NASP: variants seen among roughly 807,000 people sequenced by gnomAD.
The protein encoded by NASP is nuclear autoantigenic sperm protein.
In NASP, 24 loss-of-function variants were observed where a neutral mutation model predicts 89.5. That is an observed-to-expected ratio of 0.27 (90% CI 0.19 to 0.38). The LOEUF (loss-of-function observed/expected upper bound fraction) is 0.38, where lower values mean the gene tolerates loss of function less well. NASP is among the 10% of genes least tolerant of loss of function. The pLI, the probability that NASP is intolerant of heterozygous loss-of-function variation, is 1.00. For synonymous variants in NASP, 306 were observed against 324.7 expected (o/e 0.94, Z 0.62); for missense variants, 848 against 921.4 (o/e 0.92, Z 1.03).
chr1:45,617,349 C>A, intron 13 of NASP, 114 bp from the exon 14 acceptor site: 1 of 1,239,944 alleles, frequency 8.1e-7, no homozygotes, highest in Non-Finnish European at 1.1e-6. Flanking sequence ...ACCCTTAGAG[C>A]TGTGAATCCT....
chr1:45,597,871 A>T (rs192804752), intron 2 of NASP, among the ~76,000 whole-genome samples: 1 of 152,276 alleles, frequency 6.6e-6, no homozygotes, highest in East Asian at 1.9e-4. Flanking sequence ...GAGATTACTT[A>T]TATCAGCCCA....
intron 2 of NASP, among the ~76,000 whole-genome samples, chr1:45,593,018 T>C (rs1311752271): frequency 6.6e-6 from 1 of 152,196 alleles, no homozygotes; most frequent in African/African-American, 2.4e-5. Context: ...TATATAGATT[T>C]TGGATAAAAA....
chr1:45,612,924 A>T, intron 6 of NASP: 1 of 355,130 alleles, frequency 2.8e-6, no homozygotes, highest in Non-Finnish European at 4.8e-6. Context: ...CTTTTATAAG[A>T]GAAACACTCA....
intron 3 of NASP, among the ~76,000 whole-genome samples, chr1:45,602,859 A>C (rs887834681): frequency 6.6e-6 from 1 of 152,152 alleles, no homozygotes; most frequent in African/African-American, 2.4e-5. Flanking sequence ...CTTGGGCTTA[A>C]GCGATTCGTC....
intron 5 of NASP, among the ~76,000 whole-genome samples, chr1:45,606,904 A>G (rs1488367785): frequency 6.6e-6 from 1 of 152,202 alleles, no homozygotes; most frequent in Non-Finnish European, 1.5e-5. Context: ...TTCTGATGCA[A>G]ATTTTTTTAA....
At chr1:45,611,055 A>C (rs1643999844) in intron 6 of NASP, 1 of 152,110 alleles carries the variant, frequency 6.6e-6, no homozygotes, top group Non-Finnish European at 1.5e-5. Context: ...CACATTTCCA[A>C]GTGGGTCCGG....
intron 1 of NASP, among the ~76,000 whole-genome samples, chr1:45,585,341 G>A (rs1311347139): frequency 6.6e-6 from 1 of 151,962 alleles, no homozygotes; most frequent in Non-Finnish European, 1.5e-5. Flanking sequence ...TTTTTAAATT[G>A]ATATTCTATA....
intron 1 of NASP, among the ~76,000 whole-genome samples, chr1:45,590,870 G>A (rs1171520054): frequency 2.0e-5 from 3 of 152,046 alleles, no homozygotes; most frequent in Non-Finnish European, 4.4e-5. Flanking sequence ...AAAACTATTC[G>A]ATATACATGA....
At chr1:45,598,752 T>TA (rs1643760004) in intron 2 of NASP, among the ~76,000 whole-genome samples, 1 of 152,246 alleles carries the variant, frequency 6.6e-6, no homozygotes, top group African/African-American at 2.4e-5. Context: ...GTTGACTTTT[T>TA]AATCAGTCAG....
chr1:45,596,603 A>G (rs1643701915), intron 2 of NASP, among the ~76,000 whole-genome samples: 1 of 152,222 alleles, frequency 6.6e-6, no homozygotes, highest in Non-Finnish European at 1.5e-5. Flanking sequence ...TCATAAGTAG[A>G]AGATCTAGAA....
At chr1:45,600,517 T>C in intron 2 of NASP, 1 of 1,028,748 alleles carries the variant, frequency 9.7e-7, no homozygotes, top group Non-Finnish European at 1.2e-6. Flanking sequence ...TTGAGATTCA[T>C]CCATGTTACC....
chr1:45,606,056 G>C (rs1015182786), intron 4 of NASP, among the ~76,000 whole-genome samples: 1 of 152,204 alleles, frequency 6.6e-6, no homozygotes, highest in Admixed American at 6.5e-5. Context: ...GATTATAGGC[G>C]TGAGCCACCG....
intron 13 of NASP, chr1:45,617,157 TC>T (rs1269371458): frequency 1.2e-5 from 4 of 336,152 alleles, no homozygotes; most frequent in Non-Finnish European, 2.2e-5. Context: ...AACTCTGAAC[TC>T]CTGTTCTGTT....
At chr1:45,616,491 G>T (rs1644107534) in intron 12 of NASP, 98 bp downstream of exon 12, 1 of 1,511,906 alleles carries the variant, frequency 6.6e-7, no homozygotes, top group Non-Finnish European at 9.2e-7. Flanking sequence ...CAGGAAGATT[G>T]CCTGAGGCTT....
intron 1 of NASP, among the ~76,000 whole-genome samples, chr1:45,584,468 C>T (rs1048008216): frequency 6.6e-6 from 1 of 152,220 alleles, no homozygotes; most frequent in Non-Finnish European, 1.5e-5. Context: ...CGGCTGTATC[C>T]TTCGCCTGCC....
Position 45,614,996 on chromosome 1 carries a change from C to A in NASP, c.1667-17C>A. 1 of 1,603,812 alleles carries A rather than the reference C, an allele frequency of 6.2e-7. No individual in the cohort carries two copies. The highest frequency in any genetic ancestry group is 8.5e-7 in the Non-Finnish European group (1 of 1,174,766). On this transcript the variant is annotated splice_polypyrimidine_tract_variant and intron_variant, in intron 9 of 14. Coordinates refer to ENST00000350030, the MANE Select transcript of NASP (RefSeq NM_002482.4). ...GAATGCTGTCCATTTACTTGCTCTT[C>A]TTTTTCTCTTTGTTAGAAAACTATG...
At chr1:45,614,007 A>G (rs1040305615) in intron 7 of NASP, 89 bp from the exon 8 acceptor site, 26 of 1,056,446 alleles carry the variant, frequency 2.5e-5, no homozygotes, top group Non-Finnish European at 3.5e-5. Context: ...TGAATCGTAT[A>G]TCAACTTTTT....
intron 7 of NASP, 81 bp from the exon 8 acceptor site, chr1:45,614,015 T>G: frequency 8.5e-7 from 1 of 1,176,222 alleles, no homozygotes; most frequent in Non-Finnish European, 1.2e-6. Flanking sequence ...ATATCAACTT[T>G]TTTTAAGCTA....
chr1:45,614,028 C>A, intron 7 of NASP, 68 bp from the exon 8 acceptor site: 1 of 1,288,152 alleles, frequency 7.8e-7, no homozygotes, highest in Non-Finnish European at 1.1e-6. Flanking sequence ...TTAAGCTACG[C>A]TAAGTTATAC....
Sources: allele counts gnomAD v4.1 joint callset (sites outside exome capture counted in the v4.1 genomes callset), GRCh38; gene constraint gnomAD v4.1.1; transcripts MANE v1.5; gene names NCBI Gene and HGNC (gene_info 2026-07-23, HGNC 2026-07-21).